The following CNTNAP2 variants were observed in gnomAD, a reference collection of about 807,000 sequenced individuals.
CNTNAP2 encodes the protein contactin associated protein 2.
Under a neutral mutation model 155.2 loss-of-function variants are expected in CNTNAP2, and 98 were observed. The observed-to-expected ratio is 0.63, with a 90% CI of 0.54 to 0.75. The LOEUF (loss-of-function observed/expected upper bound fraction) is 0.75, where lower values mean the gene tolerates loss of function less well. CNTNAP2 is among the 30% of genes least tolerant of loss of function. The pLI, the probability that CNTNAP2 is intolerant of heterozygous loss-of-function variation, is 0.00. For synonymous variants in CNTNAP2, 651 were observed against 631.2 expected, an observed-to-expected ratio of 1.03 and a Z score of -0.47; for missense variants, 1,727 against 1,688.1, an observed-to-expected ratio of 1.02 and a Z score of -0.40.
chr7:147,287,209 A>C (rs868208478), intron 8 of CNTNAP2, among the ~76,000 whole-genome samples: 7 of 152,128 alleles, frequency 4.6e-5, no homozygotes, highest in African/African-American at 1.4e-4. Context: ...CATCAGGTGC[A>C]AACAGGATTC....
intron 14 of CNTNAP2, among the ~76,000 whole-genome samples, chr7:147,977,024 G>A (rs1801436688): frequency 6.6e-6 from 1 of 152,070 alleles, no homozygotes; most frequent in Non-Finnish European, 1.5e-5. Context: ...CAGAAAAAGA[G>A]GACAAAAGGC....
At chr7:146,156,847 C>T (rs13309250) in intron 1 of CNTNAP2, among the ~76,000 whole-genome samples, 16 of 152,268 alleles carry the variant, frequency 1.1e-4, no homozygotes, top group African/African-American at 3.1e-4. Flanking sequence ...ATAATCCACC[C>T]GCCTCGACCT....
intron 1 of CNTNAP2, among the ~76,000 whole-genome samples, chr7:146,635,532 G>A (rs546633295): frequency 2.0e-5 from 3 of 152,110 alleles, no homozygotes; most frequent in Non-Finnish European, 4.4e-5. Flanking sequence ...AAACATCTCT[G>A]AAAGTGTAAA....
chr7:147,555,060 G>A (rs1378930981), intron 11 of CNTNAP2, among the ~76,000 whole-genome samples: 1 of 152,176 alleles, frequency 6.6e-6, no homozygotes, highest in Non-Finnish European at 1.5e-5. Context: ...TACCTTAACA[G>A]GAATAATTAG....
chr7:147,730,106 G>T (rs75263336), intron 13 of CNTNAP2, among the ~76,000 whole-genome samples: 2 of 152,048 alleles, frequency 1.3e-5, no homozygotes, highest in African/African-American at 4.8e-5. Context: ...TAATGAGTTA[G>T]CACATCTGAT....
chr7:147,515,321 C>CTTTTTTTTTTTTTTTT (rs763147267), intron 11 of CNTNAP2, among the ~76,000 whole-genome samples: 4 of 126,166 alleles, frequency 3.2e-5, no homozygotes, highest in African/African-American at 5.6e-5. Flanking sequence ...TCATTATATT[C>CTTTTTTTTTTTTTTTT]TTTTTTTGTT....
chr7:146,655,790 A>G (rs1005041245), intron 1 of CNTNAP2, among the ~76,000 whole-genome samples: 21 of 152,204 alleles, frequency 1.4e-4, no homozygotes, highest in Non-Finnish European at 2.5e-4. Flanking sequence ...ACTCTCTCTT[A>G]TGAATGTATG....
At chr7:146,661,803 A>T (rs556559754) in intron 1 of CNTNAP2, among the ~76,000 whole-genome samples, 1 of 149,646 alleles carries the variant, frequency 6.7e-6, no homozygotes, top group African/African-American at 2.5e-5. Flanking sequence ...TGTATTCATT[A>T]TTGTTGGGTA....
At chr7:146,564,838 C>A (rs1182599691) in intron 1 of CNTNAP2, among the ~76,000 whole-genome samples, 1 of 151,772 alleles carries the variant, frequency 6.6e-6, no homozygotes, top group Non-Finnish European at 1.5e-5. Flanking sequence ...AATATGTTTA[C>A]ATATATCATT....
At chr7:146,579,921 A>T (rs1798585880) in intron 1 of CNTNAP2, among the ~76,000 whole-genome samples, 1 of 151,978 alleles carries the variant, frequency 6.6e-6, no homozygotes, top group South Asian at 2.1e-4. Context: ...CCTCTTTCTG[A>T]TCCTATTTCC....
At chr7:146,807,212 T>C (rs1452125574) in intron 2 of CNTNAP2, among the ~76,000 whole-genome samples, 1 of 152,230 alleles carries the variant, frequency 6.6e-6, no homozygotes, top group African/African-American at 2.4e-5. Flanking sequence ...AGCGTATTTT[T>C]AAAATTTTTG....
At chr7:148,170,025 G>T (rs1006196344) in intron 17 of CNTNAP2, among the ~76,000 whole-genome samples, 1 of 152,052 alleles carries the variant, frequency 6.6e-6, no homozygotes, top group East Asian at 1.9e-4. Context: ...TGTATATTAT[G>T]ATTCCATTTC....
At chr7:148,357,929 TCCTGA>T (rs1348776494) in intron 21 of CNTNAP2, among the ~76,000 whole-genome samples, 1 of 152,206 alleles carries the variant, frequency 6.6e-6, no homozygotes, top group Non-Finnish European at 1.5e-5. Flanking sequence ...GCTCATTTAC[TCCTGA>T]CCTGTGGGGC....
chr7:147,133,441 G>A (rs896051526), intron 8 of CNTNAP2, among the ~76,000 whole-genome samples: 1 of 151,990 alleles, frequency 6.6e-6, no homozygotes, highest in Non-Finnish European at 1.5e-5. Flanking sequence ...CATGGACTCT[G>A]ATTTCTGAAT....
rs1411286163 is a variant in CNTNAP2 at position 147,569,822 on chromosome 7, C to T, written c.1897+7565C>T. Among the ~76,000 whole-genome samples, 3 of 152,238 alleles carry T rather than the reference C, an allele frequency of 2.0e-5. No individual in the cohort carries two copies. In the East Asian group the frequency reaches 5.8e-4, roughly 29 times the overall value. On this transcript the variant is annotated intron_variant, in intron 12 of 23. Transcript: ENST00000361727. ...TTTCTGTGTGTCAAGGCACAGGTGA[C>T]CTGGGTCAACTGCTCAGAGTCTTGC...
At chr7:146,832,655 A>AGGG (rs1803536293) in intron 2 of CNTNAP2, among the ~76,000 whole-genome samples, 2 of 148,924 alleles carry the variant, frequency 1.3e-5, no homozygotes, top group Non-Finnish European at 3.0e-5. Context: ...ACACTGTATA[A>AGGG]TTTATAAATA....
At chr7:146,649,531 A>AT (rs1362859958) in intron 1 of CNTNAP2, among the ~76,000 whole-genome samples, 3 of 152,184 alleles carry the variant, frequency 2.0e-5, no homozygotes, top group East Asian at 3.9e-4. Flanking sequence ...AATTTTTGTG[A>AT]TTTTTCCCCT....
chr7:146,506,108 T>G (rs985972094), intron 1 of CNTNAP2, among the ~76,000 whole-genome samples: 1 of 152,204 alleles, frequency 6.6e-6, no homozygotes, highest in Non-Finnish European at 1.5e-5. Context: ...AGGGGATGAC[T>G]GTATAGGGCA....
At chr7:148,415,015 C>CATT in intron 23 of CNTNAP2, 1 of 328,574 alleles carries the variant, frequency 3.0e-6, no homozygotes, top group Non-Finnish European at 5.8e-6. Context: ...TTCAGGGAAA[C>CATT]CACTGTGCTT....
Sources: allele counts gnomAD v4.1 joint callset (sites outside exome capture counted in the v4.1 genomes callset), GRCh38; gene constraint gnomAD v4.1.1; transcripts MANE v1.5; gene names NCBI Gene and HGNC (gene_info 2026-07-23, HGNC 2026-07-21).